COL7A1: variants seen among roughly 807,000 people sequenced by gnomAD.
COL7A1 encodes the protein collagen alpha-1(VII) chain.
A neutral mutation model predicts 456.2 loss-of-function variants in COL7A1; 296 were observed. The observed-to-expected ratio is 0.65, with a 90% CI of 0.59 to 0.71. COL7A1 has a LOEUF of 0.71. COL7A1 is among the 30% of genes least tolerant of loss of function. The probability of loss-of-function intolerance (pLI) is 0.00; values close to 1 mark genes in which losing one functional copy is unlikely to be tolerated. For synonymous variants in COL7A1, 1,464 were observed against 1,525.9 expected, an observed-to-expected ratio of 0.96 and a Z score of 0.95; for missense variants, 3,441 against 4,017.2, an observed-to-expected ratio of 0.86 and a Z score of 3.88.
Position 48,585,851 on chromosome 3 carries a change from C to G in COL7A1, c.3765G>C (p.Gln1255His). The G allele has an allele frequency of 6.2e-7, 1 of 1,614,148 alleles. No homozygotes were observed. Among genetic ancestry groups the G allele is most frequent in the Non-Finnish European group, 8.5e-7 (1 of 1,180,036 alleles). ...TCACCATCTCTCCAGGTTCCCCCTT[C>G]TGGCCCTGGGGAAAGACATGTCAGA... ...EPCPVYCPKG[Q>H]KGEPGEMGLR... is the part of the protein sequence containing the mutation. The change falls in exon 30 of 119, where the codon CAG becomes CAC. Residue 1255 changes from glutamine to histidine, a missense_variant. Gln to His is a conservative substitution (Grantham distance 24, BLOSUM62 0). Transcript: ENST00000681320. The surrounding 1 kb of genome is among the most constrained non-coding windows in gnomAD (Gnocchi z 4.5).
chr3:48,565,943 G>A lies in COL7A1; in HGVS notation c.8408-275C>T, dbSNP rs983967341. Among the ~76,000 whole-genome samples the A allele has an allele frequency of 7.2e-5, 11 of 152,120 alleles. No homozygotes were observed. The highest frequency in any genetic ancestry group is 1.9e-4 in the East Asian group (1 of 5,198). On this transcript the variant is annotated intron_variant, in intron 114 of 118. Coordinates refer to ENST00000681320, the MANE Select transcript of COL7A1 (RefSeq NM_000094.4). The surrounding 1 kb of genome is among the most constrained non-coding windows in gnomAD (Gnocchi z 4.5). ...ACAGGCAGGTGGTGCAGACAGAGAC[G>A]GGAAGAGACAGCTTCACTCTGATGC... is the stretch of plus-strand genomic sequence containing the variant.
chr3:48,589,228 C>T, intron 18 of COL7A1, 99 bp downstream of exon 18: 1 of 1,572,188 alleles, frequency 6.4e-7, no homozygotes. Context: ...ACAGGACAGT[C>T]ACTGAGCAGG....
In COL7A1 at chr3:48,587,564, G is replaced by A. The variant is rs1214578856; in HGVS notation, c.2858-10C>T. The A allele has an allele frequency of 6.2e-7, 1 of 1,613,484 alleles. No homozygotes were observed. Among genetic ancestry groups the A allele is most frequent in the Non-Finnish European group, 8.5e-7 (1 of 1,180,026 alleles). On this transcript the variant is annotated splice_polypyrimidine_tract_variant and intron_variant, in intron 22 of 118. Transcript: ENST00000681320. The surrounding 1 kb of genome is among the most constrained non-coding windows in gnomAD (Gnocchi z 6.1). ...GGAACACGAGGTGACTCTGAAGGAG[G>A]AATGAAAGATCGAGGATCAGAGGCT...
chr3:48,565,429 G>T lies in COL7A1; in HGVS notation c.8508C>A (p.Val2836=). 1 of 1,611,774 alleles carries T rather than the reference G, an allele frequency of 6.2e-7. No homozygotes were observed. Among genetic ancestry groups the T allele is most frequent in the African/African-American group, 1.3e-5 (1 of 75,026 alleles). ...CCTCACCTTCCTCCTCTGCATGAGA[G>T]ACGCGGAGCACAGGCACAGCATGGA... ...SQLHAVPVLR[V]SHAEEEERVP... The change falls in exon 116 of 119, where the codon GTC becomes GTA. Residue 2836 remains valine, a synonymous_variant. Coordinates refer to ENST00000681320, the MANE Select transcript of COL7A1 (RefSeq NM_000094.4). The surrounding 1 kb of genome is among the most constrained non-coding windows in gnomAD (Gnocchi z 4.5).
At position 48,594,292 on chromosome 3, in the gene COL7A1, C is replaced by T. The variant is rs528441508; in HGVS notation, c.266+76G>A. 53 of 1,563,232 alleles carry T rather than the reference C, an allele frequency of 3.4e-5. No individual in the cohort carries two copies. The African/African-American group carries it at 6.5e-4, about 19-fold the overall frequency. ...CTGCAAAGACCTGGCCTGGGGTTTCCAGGGTCTCCTCCCTCTCTGGGGAAG... is the reference window on the plus strand; with the variant it reads ...CTGCAAAGACCTGGCCTGGGGTTTCTAGGGTCTCCTCCCTCTCTGGGGAAG... On this transcript the variant is annotated intron_variant, in intron 3 of 118. Coordinates refer to ENST00000681320, the MANE Select transcript of COL7A1 (RefSeq NM_000094.4). The surrounding 1 kb of genome is among the most constrained non-coding windows in gnomAD (Gnocchi z 5.5).
At chr3:48,582,226 C>T in intron 47 of COL7A1, 97 bp downstream of exon 47, 1 of 1,601,488 alleles carries the variant, frequency 6.2e-7, no homozygotes, top group Non-Finnish European at 8.6e-7. Context: ...TGCTCACGGG[C>T]CCAGCACTGT....
At position 48,586,193 on chromosome 3, in the gene COL7A1, G is replaced by A. The variant is rs754979304; in HGVS notation, c.3604C>T (p.Arg1202Cys). ...ACAGAGTCCATACCCGGCGCCAAGCGACGCAGCTGCTCTGGGTCCGCTCCA... is the reference window on the plus strand; with the variant it reads ...ACAGAGTCCATACCCGGCGCCAAGCAACGCAGCTGCTCTGGGTCCGCTCCA... ...MAGADPEQLR[R>C]LAPGMDSVQT... The change falls in exon 28 of 119, where the codon CGC becomes TGC. Residue 1202 changes from arginine (R) to cysteine (C), a missense_variant. Transcript: ENST00000681320. This position sits in a 1 kb window ranked among gnomAD's most constrained non-coding sequence, Gnocchi z 5.1. 1.7e-5 allele frequency: 28 copies of A among 1,613,258 alleles called. No individual in the cohort carries two copies. Among genetic ancestry groups the A allele is most frequent in the Non-Finnish European group, 2.2e-5 (26 of 1,180,048 alleles).
Position 48,576,284 on chromosome 3 carries a change from C to G in COL7A1, c.5785G>C (p.Glu1929Gln). ...CCAGGCTCTCCTCGCAGGCCACGCT[C>G]TCCAGGGAGGCCCTGGAGAGATGAA... ...GSKGEQGLPG[E>Q]RGLRGEPGSV... is the part of the protein sequence containing the mutation. The change falls in exon 71 of 119, where the codon GAG becomes CAG. Residue 1929 changes from glutamate (E) to glutamine (Q), a missense_variant. Coordinates refer to ENST00000681320, the MANE Select transcript of COL7A1 (RefSeq NM_000094.4). 6.2e-7 allele frequency: 1 copy of G among 1,613,852 alleles called. No homozygotes were observed. The highest frequency in any genetic ancestry group is 8.5e-7 in the Non-Finnish European group (1 of 1,180,014).
In COL7A1 at chr3:48,587,198, T is replaced by C; in HGVS notation, c.3131A>G (p.Gln1044Arg). ...GVRGPEASVT[Q>R]TPVCPRGLAD... ...CACTACGCCCACTATACCTGGCGTC[T>C]GTGTGACAGATGCCTCAGGACCCCG... The change falls in exon 24 of 119, where the codon CAG becomes CGG. Residue 1044 changes from glutamine to arginine, a missense_variant. Gln to Arg is a conservative substitution (Grantham distance 43, BLOSUM62 1). Coordinates refer to ENST00000681320, the MANE Select transcript of COL7A1 (RefSeq NM_000094.4). This position sits in a 1 kb window ranked among gnomAD's most constrained non-coding sequence, Gnocchi z 6.1. The C allele has an allele frequency of 6.2e-7, 1 of 1,613,534 alleles. No individual in the cohort carries two copies. The highest frequency in any genetic ancestry group is 8.5e-7 in the Non-Finnish European group (1 of 1,179,904).
rs201433029 is a variant in COL7A1, at chr3:48,584,976, G to A, written c.3976-31C>T. ...AATGGAGGCCAGAGGCAGAACAGTCGGAGCCACCCCACCCACTCAGGCAGC... is the reference window on the plus strand; with the variant it reads ...AATGGAGGCCAGAGGCAGAACAGTCAGAGCCACCCCACCCACTCAGGCAGC... On this transcript the variant is annotated intron_variant, in intron 33 of 118. Transcript: ENST00000681320. The A allele has an allele frequency of 1.9e-4, 303 of 1,613,682 alleles. No homozygotes were observed. The East Asian group carries it at 4.0e-3, about 21-fold the overall frequency.
Position 48,594,641 on chromosome 3 carries a change from A to G in COL7A1, c.86-93T>C. The G allele has an allele frequency of 7.0e-7, 1 of 1,418,616 alleles. No homozygotes were observed. Among genetic ancestry groups the G allele is most frequent in the South Asian group, 1.2e-5 (1 of 80,408 alleles). 87.9% of individuals were successfully genotyped at this position (1,418,616 alleles called of 1,614,324 possible). On this transcript the variant is annotated intron_variant, in intron 2 of 118. Coordinates refer to ENST00000681320, the MANE Select transcript of COL7A1 (RefSeq NM_000094.4). The surrounding 1 kb of genome is among the most constrained non-coding windows in gnomAD (Gnocchi z 5.5). Reference sequence around the variant, plus strand: ...CTCACTGGGACTTGGGATGGTGGGGAGAGTAGGCCTCATCTTATGCAAACC... The same window carrying G: ...CTCACTGGGACTTGGGATGGTGGGGGGAGTAGGCCTCATCTTATGCAAACC...
chr3:48,594,958 C>T lies in COL7A1; in HGVS notation c.85+117G>A. On this transcript the variant is annotated intron_variant, in intron 2 of 118. Transcript: ENST00000681320. This position sits in a 1 kb window ranked among gnomAD's most constrained non-coding sequence, Gnocchi z 5.5. ...GAGTCCCAGAATTAGGAGGAATCCG[C>T]GGGGCGTCGTGGAGTTGGCTGGGTT... The T allele has an allele frequency of 5.9e-6, 5 of 854,020 alleles. No individual in the cohort carries two copies. Among genetic ancestry groups the T allele is most frequent in the Non-Finnish European group, 7.4e-6 (4 of 540,534 alleles). The allele number at this position is 854,020 out of a possible 1,614,324, so 52.9% of individuals were successfully genotyped here.
chr3:48,580,168 A>G lies in COL7A1; in HGVS notation c.5098-111T>C. On this transcript the variant is annotated intron_variant, in intron 56 of 118. Transcript: ENST00000681320. This position sits in a 1 kb window ranked among gnomAD's most constrained non-coding sequence, Gnocchi z 4.5. ...AAGTTCCCCGAAGCACCCCAATGCC[A>G]GCCCCCAGCAGGCATGGGTGGCCAT... The G allele has an allele frequency of 6.6e-7, 1 of 1,526,494 alleles. No individual in the cohort carries two copies. The highest frequency in any genetic ancestry group is 9.0e-7 in the Non-Finnish European group (1 of 1,112,386). The allele number at this position is 1,526,494 out of a possible 1,614,324, so 94.6% of individuals were successfully genotyped here.
chr3:48,569,435 C>T lies in COL7A1; in HGVS notation c.7626G>A (p.Gly2542=). The stretch of plus-strand genomic sequence containing the variant: ...CTTTGTCACCATCCAAGCCCCGAGG[C>T]CCTCGTTCACCCTGGGTTGGTTTGG... ...RGAKGDMGER[G]PRGLDGDKGP... The change falls in exon 103 of 119, where the codon GGG becomes GGA. Residue 2542 remains glycine, a synonymous_variant. Transcript: ENST00000681320. This position sits in a 1 kb window ranked among gnomAD's most constrained non-coding sequence, Gnocchi z 4.9. 6.2e-7 allele frequency: 1 copy of T among 1,614,154 alleles called. No homozygotes were observed. The highest frequency in any genetic ancestry group is 8.5e-7 in the Non-Finnish European group (1 of 1,179,998).
Position 48,564,669 on chromosome 3 carries a change from G to T in COL7A1, c.8818+114C>A. 7.9e-7 allele frequency: 1 copy of T among 1,261,164 alleles called. No homozygotes were observed. Among genetic ancestry groups the T allele is most frequent in the Non-Finnish European group, 1.1e-6 (1 of 908,634 alleles). The allele number at this position is 1,261,164 out of a possible 1,614,324, so 78.1% of individuals were successfully genotyped here. On this transcript the variant is annotated intron_variant, in intron 118 of 118. Transcript: ENST00000681320. The surrounding 1 kb of genome is among the most constrained non-coding windows in gnomAD (Gnocchi z 6.0). ...TCTGCCCCAGGTCCCCTACTGCGAG[G>T]GAGCGTCTCCTCCAGGACCCTGACC...
At position 48,572,279 on chromosome 3, in the gene COL7A1, AG is replaced by A; in HGVS notation, c.6978+100del. ...AATATGCGGTCTACTATGAAAGCTG[AG>A]GGTCATGAGGGTGGGTAAACTATGG... On this transcript the variant is annotated intron_variant, in intron 90 of 118. Transcript: ENST00000681320. This position sits in a 1 kb window ranked among gnomAD's most constrained non-coding sequence, Gnocchi z 4.6. 6.2e-7 allele frequency: 1 copy of A among 1,610,526 alleles called. No individual in the cohort carries two copies. Among genetic ancestry groups the A allele is most frequent in the East Asian group, 2.2e-5 (1 of 44,850 alleles).
rs1356632767 is a variant in COL7A1, at chr3:48,587,323, G to A, written c.3006C>T (p.Ser1002=). The A allele has an allele frequency of 6.2e-7, 1 of 1,601,738 alleles. No homozygotes were observed. The highest frequency in any genetic ancestry group is 1.1e-5 in the South Asian group (1 of 89,574). The change falls in exon 24 of 119, where the codon TCC becomes TCT. Residue 1002 remains serine, a synonymous_variant. Transcript: ENST00000681320. The surrounding 1 kb of genome is among the most constrained non-coding windows in gnomAD (Gnocchi z 6.1). ...TTGAGATCCCTGGAAGTGTCTGCGGGGACCCAGGCACTTCTGCAGGAGACA... is the reference window on the plus strand; with the variant it reads ...TTGAGATCCCTGGAAGTGTCTGCGGAGACCCAGGCACTTCTGCAGGAGACA... ...LRGPGQEVPG[S]PQTLPGISSS...
rs1343293507 is a variant in COL7A1, at chr3:48,588,993, G to T, written c.2317C>A (p.Pro773Thr). The T allele has an allele frequency of 1.2e-6, 2 of 1,613,280 alleles. No homozygotes were observed. The highest frequency in any genetic ancestry group is 2.7e-5 in the African/African-American group (2 of 74,942). The change falls in exon 19 of 119, where the codon CCT (proline) becomes ACT (threonine). Residue 773 changes from proline to threonine, a missense_variant and splice_region_variant. Physicochemically the swap from Pro to Thr is conservative, Grantham distance 38 (BLOSUM62 -1). Transcript: ENST00000681320. The surrounding 1 kb of genome is among the most constrained non-coding windows in gnomAD (Gnocchi z 4.6). ...CTCGACACACGACCCACAGGCTCAG[G>T]GGCTGGGGACAGAGGCAAGGTAAGG... ...PPASVVVRTA[P>T]EPVGRVSRLQ...
Position 48,575,658 on chromosome 3 carries a change from C to G in COL7A1, c.5947G>C (p.Asp1983His), listed in dbSNP as rs1233059082. ...VPERRRGPKG[D>H]SGEQGPPGKE... ...CCTGGGGGGCCCTGTTCGCCTGAGTCCCCCTTGGGGCCTCGACGCCGTTCG... is the reference window on the plus strand; with the variant it reads ...CCTGGGGGGCCCTGTTCGCCTGAGTGCCCCTTGGGGCCTCGACGCCGTTCG... The change falls in exon 73 of 119, where the codon GAC becomes CAC. Residue 1983 changes from aspartate (D) to histidine (H), a missense_variant. Asp to His is a moderately conservative substitution (Grantham distance 81). Around this residue, in one of 3 missense-constraint regions of COL7A1, gnomAD observed 2,084 missense variants for 2,501.3 expected, o/e 0.83. Transcript: ENST00000681320. This position sits in a 1 kb window ranked among gnomAD's most constrained non-coding sequence, Gnocchi z 6.3. The G allele has an allele frequency of 1.9e-5, 31 of 1,613,556 alleles. No individual in the cohort carries two copies. Among genetic ancestry groups the G allele is most frequent in the Non-Finnish European group, 2.5e-5 (30 of 1,180,024 alleles).
Sources: gnomAD v4.1 joint callset for allele counts (sites outside exome capture counted in the v4.1 genomes callset) on GRCh38, gnomAD v4.1.1 for gene constraint, gnomAD v4.1.1 regional missense constraint, Gnocchi (gnomAD v3.1) non-coding constraint, MANE v1.5 for transcripts, NCBI Gene and HGNC (gene_info 2026-07-23, HGNC 2026-07-21) for gene names.